The following DPRX variants were observed in gnomAD, a reference collection of about 807,000 sequenced individuals.
DPRX encodes divergent-paired related homeobox, also known as divergent paired-related homeobox.
In DPRX, 11 loss-of-function variants were observed where a neutral mutation model predicts 8.4. The ratio of observed to expected loss-of-function variants is 1.31; its 90% CI spans 0.82 to 2.17. The LOEUF (loss-of-function observed/expected upper bound fraction) is 2.17. Among genes scored for constraint, DPRX ranks in the 30% most tolerant of loss-of-function variants. The pLI is 0.00. For missense variants in DPRX, 211 were observed against 236.7 expected, an observed-to-expected ratio of 0.89 and a Z score of 0.71; for synonymous variants, 72 against 87.0, an observed-to-expected ratio of 0.83 and a Z score of 0.96.
the DPRX span, chr19:53,601,262 C>G: frequency 4.4e-6 from 2 of 456,324 alleles, no homozygotes; most frequent in South Asian, 3.1e-5. Context: ...GGAAGCCACT[C>G]ACCAATCAAC....
the DPRX span, among the ~76,000 whole-genome samples, chr19:53,610,313 C>A: frequency 8.3e-6 from 1 of 121,144 alleles, no homozygotes; most frequent in Non-Finnish European, 1.7e-5. Context: ...GAGCAAGACT[C>A]TGTCTCGAAA....
the DPRX span, among the ~76,000 whole-genome samples, chr19:53,601,682 A>G: frequency 1.3e-4 from 20 of 151,832 alleles, no homozygotes; most frequent in Non-Finnish European, 1.3e-4. Flanking sequence ...GAATTTCACC[A>G]TGTTGGTCAG....
At chr19:53,610,764 A>T in the DPRX span, among the ~76,000 whole-genome samples, 1 of 152,132 alleles carries the variant, frequency 6.6e-6, no homozygotes, top group Non-Finnish European at 1.5e-5. Context: ...TCAGCCCATC[A>T]GCTATCGTTA....
chr19:53,613,953 CTTTG>C, the DPRX span, among the ~76,000 whole-genome samples: 1 of 150,708 alleles, frequency 6.6e-6, no homozygotes, highest in Admixed American at 6.6e-5. Context: ...GTAGTATTTC[CTTTG>C]TTTTTTTTTT....
chr19:53,628,565 C>T (rs2091079514), upstream of DPRX, among the ~76,000 whole-genome samples: 2 of 151,860 alleles, frequency 1.3e-5, no homozygotes, highest in Admixed American at 1.3e-4. Flanking sequence ...CAACCACCAC[C>T]TCTAGGTAGT....
At chr19:53,609,649 T>G in the DPRX span, among the ~76,000 whole-genome samples, 1 of 152,072 alleles carries the variant, frequency 6.6e-6, no homozygotes, top group South Asian at 2.1e-4. Flanking sequence ...GCAGATCACC[T>G]GAGATCAGGG....
the DPRX span, among the ~76,000 whole-genome samples, chr19:53,617,808 A>T: frequency 6.6e-6 from 1 of 152,138 alleles, no homozygotes; most frequent in Non-Finnish European, 1.5e-5. Flanking sequence ...TATACCAATG[A>T]TGATGAGTGG....
chr19:53,605,103 C>G, the DPRX span, among the ~76,000 whole-genome samples: 5 of 152,004 alleles, frequency 3.3e-5, no homozygotes, highest in Non-Finnish European at 7.4e-5. Context: ...TGCTTGAGCC[C>G]AGAGGTTCCA....
chr19:53,602,696 G>T, the DPRX span, among the ~76,000 whole-genome samples: 2 of 151,800 alleles, frequency 1.3e-5, no homozygotes, highest in Non-Finnish European at 2.9e-5. Flanking sequence ...CACCGTGCTC[G>T]GCTAATTTTT....
At chr19:53,633,496 C>T (rs1015708462) in intron 1 of DPRX, among the ~76,000 whole-genome samples, 17 of 151,852 alleles carry the variant, frequency 1.1e-4, no homozygotes, top group African/African-American at 2.9e-4. Flanking sequence ...CCCTTATTTA[C>T]GTATTTATTT....
chr19:53,629,238 T>C (rs1387802091), upstream of DPRX, among the ~76,000 whole-genome samples: 36 of 149,670 alleles, frequency 2.4e-4, no homozygotes, highest in African/African-American at 7.9e-4. Context: ...CACTTGAATT[T>C]AGGAGGCAGA....
At chr19:53,623,873 C>A in the DPRX span, among the ~76,000 whole-genome samples, 1 of 151,376 alleles carries the variant, frequency 6.6e-6, no homozygotes, top group South Asian at 2.1e-4. Context: ...CCTCTTGAAC[C>A]CAGGAGGCAG....
chr19:53,604,904 T>TC, the DPRX span, among the ~76,000 whole-genome samples: 1 of 151,658 alleles, frequency 6.6e-6, no homozygotes, highest in African/African-American at 2.4e-5. Context: ...AAGGAAATAA[T>TC]CAATGTTTGA....
the DPRX span, chr19:53,616,787 C>A: frequency 6.4e-7 from 1 of 1,566,662 alleles, no homozygotes; most frequent in South Asian, 1.1e-5. Context: ...CCGAGAATGG[C>A]CCTTGCTGCC....
chr19:53,627,379 G>T (rs560205300), upstream of DPRX, among the ~76,000 whole-genome samples: 1 of 151,854 alleles, frequency 6.6e-6, no homozygotes, highest in African/African-American at 2.4e-5. Flanking sequence ...CAAGAGGGAA[G>T]GAGTGGAAGA....
chr19:53,613,749 A>G, the DPRX span, among the ~76,000 whole-genome samples: 1 of 151,686 alleles, frequency 6.6e-6, no homozygotes, highest in Non-Finnish European at 1.5e-5. Context: ...ATCATTTCAA[A>G]CCCACATAAC....
Position 53,634,703 on chromosome 19 carries a change from C to T in DPRX, c.183+18C>T. The T allele has an allele frequency of 6.2e-7, 1 of 1,606,310 alleles. No homozygotes were observed. The highest frequency in any genetic ancestry group is 8.5e-7 in the Non-Finnish European group (1 of 1,177,392). ...TACTGCAGGTTGGAAAATGATCCCT[C>T]TTCTCACTAAACTGCCTTCCTGATC... is the stretch of plus-strand genomic sequence containing the variant. On this transcript the variant is annotated intron_variant, in intron 2 of 2. Transcript: ENST00000376650.
the DPRX span, among the ~76,000 whole-genome samples, chr19:53,616,243 A>G: frequency 1.3e-5 from 2 of 151,854 alleles, no homozygotes; most frequent in African/African-American, 2.4e-5. Context: ...CAAGAGTGAA[A>G]CTCTGTCTCA....
At chr19:53,602,750 A>G in the DPRX span, among the ~76,000 whole-genome samples, 1 of 148,432 alleles carries the variant, frequency 6.7e-6, no homozygotes, top group East Asian at 2.0e-4. Context: ...GGCCAGGCTG[A>G]TCTCGAACTC....
Sources: allele counts gnomAD v4.1 joint callset (sites outside exome capture counted in the v4.1 genomes callset), GRCh38; gene constraint gnomAD v4.1.1; transcripts MANE v1.5; gene names NCBI Gene and HGNC (gene_info 2026-07-23, HGNC 2026-07-21).